ITIH4: variants seen among roughly 807,000 people sequenced by gnomAD.
The protein encoded by ITIH4 is inter-alpha-trypsin inhibitor heavy chain H4.
Under a neutral mutation model 111.8 loss-of-function variants are expected in ITIH4, and 79 were observed. The ratio of observed to expected loss-of-function variants is 0.71; its 90% CI spans 0.59 to 0.85. The LOEUF (loss-of-function observed/expected upper bound fraction) is 0.85, where lower values mean the gene tolerates loss of function less well. Among genes scored for constraint, ITIH4 ranks in the 40% least tolerant of loss-of-function variants. ITIH4 has a pLI of 0.00. For synonymous variants in ITIH4, 472 were observed against 468.3 expected (o/e 1.01, Z -0.10); for missense variants, 1,065 against 1,195.8 (o/e 0.89, Z 1.61).
At position 52,824,391 on chromosome 3, in the gene ITIH4, A is replaced by G. The variant is rs369586599; in HGVS notation, c.1045+6T>C. 2,201 of 1,613,878 alleles carry G rather than the reference A, an allele frequency of 1.4e-3. 60 individuals are homozygous for G. The South Asian group carries it at 0.023, about 17-fold the overall frequency. ...CCCCACCCTGCAGGGCCACAGAGAC[A>G]CTTACCTCCCAGGGCCTGGATGCCC... On this transcript the variant is annotated splice_donor_region_variant and intron_variant, in intron 8 of 23. Transcript: ENST00000266041. The surrounding 1 kb of genome is among the most constrained non-coding windows in gnomAD (Gnocchi z 4.3).
intron 13 of ITIH4, 135 bp from the exon 14 acceptor site, chr3:52,820,452 G>T: frequency 8.5e-7 from 1 of 1,175,156 alleles, no homozygotes; most frequent in Non-Finnish European, 1.2e-6. Flanking sequence ...TAGGTGCAAT[G>T]AATTTGGGGA....
At position 52,814,010 on chromosome 3, in the gene ITIH4, C is replaced by G; in HGVS notation, c.2688G>C (p.Thr896=). 6.2e-7 allele frequency: 1 copy of G among 1,613,688 alleles called. No homozygotes were observed. Among genetic ancestry groups the G allele is most frequent in the Non-Finnish European group, 8.5e-7 (1 of 1,179,914 alleles). ...SPAASDDGRR[T]LRVQGNDHSA... ...AGTGGTCATTGCCCTGAACCCTCAG[C>G]GTGCGTCTGCCGTCATCTGATGCTG... is the stretch of plus-strand genomic sequence containing the variant. The change falls in exon 23 of 24, where the codon ACG becomes ACC. Residue 896 remains threonine (T), a synonymous_variant. Transcript: ENST00000266041.
In ITIH4 at chr3:52,823,959, A is replaced by T. The variant is rs770699255; in HGVS notation, c.1217T>A (p.Val406Glu). 1 of 1,593,422 alleles carries T rather than the reference A, an allele frequency of 6.3e-7. No homozygotes were observed. The highest frequency in any genetic ancestry group is 2.2e-5 in the East Asian group (1 of 44,816). Residue 406 changes from valine to glutamate, a missense_variant, in exon 10 of 24, where the codon GTA becomes GAA. Physicochemically the swap from Val to Glu is moderately radical, Grantham distance 121. Coordinates refer to ENST00000266041, the MANE Select transcript of ITIH4 (RefSeq NM_002218.5). ...GCAGAAGAGGCTGTACCGGCCACTT[A>T]CAGCTTCCCGCACGTTATTCTGGAT... ...RSIQNNVREAVSGRYSLFCLG... is the reference protein window; with the variant it reads ...RSIQNNVREAESGRYSLFCLG...
rs1700291061 is a variant in ITIH4, at chr3:52,817,071, G to C, written c.2297-13C>G. 6.2e-7 allele frequency: 1 copy of C among 1,609,498 alleles called. No homozygotes were observed. The highest frequency in any genetic ancestry group is 8.5e-7 in the Non-Finnish European group (1 of 1,177,468). ...GTCACCTCAACCCCTGGGAGGACCA[G>C]ACCAGAGAGGTCATAGCTGGGCCCC... On this transcript the variant is annotated splice_polypyrimidine_tract_variant and intron_variant, in intron 20 of 23. Coordinates refer to ENST00000266041, the MANE Select transcript of ITIH4 (RefSeq NM_002218.5).
At position 52,826,552 on chromosome 3, in the gene ITIH4, T is replaced by C; in HGVS notation, c.619A>G (p.Asn207Asp). Reference sequence around the variant, plus strand: ...CACAACAGGCCCACCTTGGTCTTATTCTGCCAGGTGGTGAGGGCGTCTACC... The same window carrying C: ...CACAACAGGCCCACCTTGGTCTTATCCTGCCAGGTGGTGAGGGCGTCTACC... ...QLVDALTTWQ[N>D]KTKAHIRFKP... The change falls in exon 5 of 24, where the codon AAT becomes GAT. Residue 207 changes from asparagine (N) to aspartate (D), a missense_variant. Transcript: ENST00000266041. 1 of 1,613,350 alleles carries C rather than the reference T, an allele frequency of 6.2e-7. No homozygotes were observed. The highest frequency in any genetic ancestry group is 8.5e-7 in the Non-Finnish European group (1 of 1,179,340).
chr3:52,819,304 T>C lies in ITIH4; in HGVS notation c.2077+89A>G. ...AGCCGTCCCTGGCCTGGCCCTGTGGTGCGTGCTTTACCCCACCCCCCTCTA... is the reference window on the plus strand; with the variant it reads ...AGCCGTCCCTGGCCTGGCCCTGTGGCGCGTGCTTTACCCCACCCCCCTCTA... On this transcript the variant is annotated intron_variant, in intron 17 of 23. Coordinates refer to ENST00000266041, the MANE Select transcript of ITIH4 (RefSeq NM_002218.5). 3 of 1,485,070 alleles carry C rather than the reference T, an allele frequency of 2.0e-6. No individual in the cohort carries two copies. In the Admixed American group the frequency reaches 5.3e-5, roughly 26 times the overall value. 92.0% of individuals were successfully genotyped at this position (1,485,070 alleles called of 1,614,324 possible). A position where few individuals can be genotyped will look rare whatever the true frequency, so the allele number is the denominator to read the frequency against.
rs2710343 is a variant in ITIH4, at chr3:52,826,527, C to T, written c.630+14G>A. 23,311 of 1,602,660 alleles carry T rather than the reference C, an allele frequency of 0.015. 2,958 individuals are homozygous for T. The African/African-American group carries it at 0.28, about 19-fold the overall frequency. On this transcript the variant is annotated intron_variant, in intron 5 of 23. Coordinates refer to ENST00000266041, the MANE Select transcript of ITIH4 (RefSeq NM_002218.5). ...GCCCTTGGTACCCTCACCTGCTGAC[C>T]ACAACAGGCCCACCTTGGTCTTATT...
chr3:52,814,128 C>A, intron 22 of ITIH4, 57 bp from the exon 23 acceptor site: 1 of 1,606,052 alleles, frequency 6.2e-7, no homozygotes, highest in Non-Finnish European at 8.5e-7. Flanking sequence ...CTGGGAGACA[C>A]ACGCAGGGGA....
In ITIH4 at chr3:52,813,985, A is replaced by G. The variant is rs1424898855; in HGVS notation, c.2713T>C (p.Ser905Pro). 3.1e-6 allele frequency: 5 copies of G among 1,612,284 alleles called. No homozygotes were observed. In the Admixed American group the frequency reaches 8.3e-5, roughly 27 times the overall value. ...CTTGTGCCAAGTCACCTGGTGGCAG[A>G]GTGGTCATTGCCCTGAACCCTCAGC... ...RTLRVQGNDH[S>P]ATRERRLDYQ... Residue 905 changes from serine (S) to proline (P), a missense_variant, in exon 23 of 24, where the codon TCT becomes CCT. By Grantham distance (74) the Ser-to-Pro change is moderately conservative. Transcript: ENST00000266041.
Position 52,820,671 on chromosome 3 carries a change from G to A in ITIH4, c.1794C>T (p.Asp598=). ...TCTCAGCAACTTGAGACTGCTCTTG[G>A]TCATCGGGTTTGGTGACTACCATAG... is the stretch of plus-strand genomic sequence containing the variant. ...LTSMVVTKPD[D]QEQSQVAEKP... is the part of the protein sequence containing the mutation. The change falls in exon 13 of 24, where the codon GAC becomes GAT. Residue 598 remains aspartate, a synonymous_variant. Transcript: ENST00000266041. The A allele has an allele frequency of 1.2e-6, 2 of 1,613,860 alleles. No homozygotes were observed. Among genetic ancestry groups the A allele is most frequent in the Non-Finnish European group, 1.7e-6 (2 of 1,179,834 alleles).
chr3:52,815,875 G>A (rs1014195984), intron 21 of ITIH4, among the ~76,000 whole-genome samples: 3 of 152,014 alleles, frequency 2.0e-5, no homozygotes, highest in African/African-American at 7.2e-5. Context: ...TAGTAGAGAC[G>A]GGGTTTCACT....
chr3:52,819,063 C>T, intron 17 of ITIH4: 1 of 347,042 alleles, frequency 2.9e-6, no homozygotes. Context: ...GGAGAGGCTG[C>T]TCTGTCATGG....
At chr3:52,820,827 C>A in intron 12 of ITIH4, 42 bp from the exon 13 acceptor site, 2 of 1,571,376 alleles carry the variant, frequency 1.3e-6, no homozygotes, top group South Asian at 1.2e-5. Flanking sequence ...TCCTTGAATT[C>A]GGGAACAGAT....
chr3:52,815,597 C>A (rs368943892), intron 21 of ITIH4, among the ~76,000 whole-genome samples: 3 of 152,050 alleles, frequency 2.0e-5, no homozygotes, highest in Non-Finnish European at 4.4e-5. Flanking sequence ...TCTCTCCCTA[C>A]AATTAATAGG....
intron 11 of ITIH4, among the ~76,000 whole-genome samples, chr3:52,821,940 C>A (rs902085637): frequency 2.6e-5 from 4 of 152,066 alleles, no homozygotes; most frequent in Non-Finnish European, 4.4e-5. Flanking sequence ...CACACATAGG[C>A]TACCTGCATG....
chr3:52,817,977 CTG>C, intron 20 of ITIH4, 73 bp downstream of exon 20: 2 of 1,144,968 alleles, frequency 1.7e-6, no homozygotes, highest in Admixed American at 1.7e-5. Flanking sequence ...CCTGCACGCG[CTG>C]TGTGTGTCTC....
Position 52,819,981 on chromosome 3 carries a change from A to T in ITIH4, c.1871T>A (p.Phe624Tyr). ...TGCTCCCTGGAGATAATATTTGAAG[A>T]AAGTGGAACCTGGAAATCAGTGGGA... is the stretch of plus-strand genomic sequence containing the variant. ...RNRNVHSGST[F>Y]FKYYLQGAKI... Residue 624 changes from phenylalanine to tyrosine, a missense_variant, in exon 15 of 24, where the codon TTC (phenylalanine) becomes TAC (tyrosine). Phe to Tyr is a conservative substitution (Grantham distance 22). Coordinates refer to ENST00000266041, the MANE Select transcript of ITIH4 (RefSeq NM_002218.5). 6.2e-7 allele frequency: 1 copy of T among 1,614,078 alleles called. No individual in the cohort carries two copies. The highest frequency in any genetic ancestry group is 2.2e-5 in the East Asian group (1 of 44,876).
In ITIH4 at chr3:52,830,635, G is replaced by T. The variant is rs779370674; in HGVS notation, c.8C>A (p.Pro3His). The T allele has an allele frequency of 6.2e-7, 1 of 1,606,410 alleles. No homozygotes were observed. The highest frequency in any genetic ancestry group is 1.7e-5 in the Admixed American group (1 of 59,618). Residue 3 changes from proline (P) to histidine (H), a missense_variant, in exon 1 of 24, where the codon CCC becomes CAC. Coordinates refer to ENST00000266041, the MANE Select transcript of ITIH4 (RefSeq NM_002218.5). ...GCTGCAGGTACGGACAGGCCTTGGG[G>T]GCTTCATCGTGGCTCCAGTGTCTGC... MK[P>H]PRPVRTCSKV... is the part of the protein sequence containing the mutation.
In ITIH4 at chr3:52,814,263, G is replaced by A. The variant is rs771217141; in HGVS notation, c.2572C>T (p.Arg858Trp). 119 of 1,613,742 alleles carry A rather than the reference G, an allele frequency of 7.4e-5. No homozygotes were observed. The highest frequency in any genetic ancestry group is 9.0e-5 in the Non-Finnish European group (106 of 1,180,016). The change falls in exon 22 of 24, where the codon CGG becomes TGG. Residue 858 changes from arginine (R) to tryptophan (W), a missense_variant. By Grantham distance (101) the Arg-to-Trp change is moderately radical. Coordinates refer to ENST00000266041, the MANE Select transcript of ITIH4 (RefSeq NM_002218.5). ...LFWDGRGEGL[R>W]LLLRDTDRFS... Reference sequence around the variant, plus strand: ...CGGTCAGTGTCACGCAGAAGGAGCCGGAGCCCCTCCCCACGGCCATCCCAG... The same window carrying A: ...CGGTCAGTGTCACGCAGAAGGAGCCAGAGCCCCTCCCCACGGCCATCCCAG...
Sources: allele counts gnomAD v4.1 joint callset (sites outside exome capture counted in the v4.1 genomes callset), GRCh38; gene constraint gnomAD v4.1.1; non-coding constraint Gnocchi (gnomAD v3.1); transcripts MANE v1.5; gene names NCBI Gene and HGNC (gene_info 2026-07-23, HGNC 2026-07-21).